KIF26B: variants seen among roughly 807,000 people sequenced by gnomAD.
KIF26B encodes kinesin family member 26B, also known as kinesin-like protein KIF26B.
Under a neutral mutation model 151.2 loss-of-function variants are expected in KIF26B, and 63 were observed. The ratio of observed to expected loss-of-function variants is 0.42; its 90% confidence interval spans 0.34 to 0.51. The LOEUF is 0.51. KIF26B is among the 20% of genes least tolerant of loss of function. The pLI is 0.07. For missense variants in KIF26B, 2,813 were observed against 2,913.6 expected (o/e 0.97, Z 0.79); for synonymous variants, 1,357 against 1,262.1 (o/e 1.08, Z -1.59).
At chr1:245,674,187 C>G (rs913445834) in intron 10 of KIF26B, among the ~76,000 whole-genome samples, 1 of 152,190 alleles carries the variant, frequency 6.6e-6, no homozygotes, top group African/African-American at 2.4e-5. Context: ...TCCCCCCCAC[C>G]AGTAAAGCTG....
At chr1:245,701,471 T>G (rs906297480) in intron 14 of KIF26B, among the ~76,000 whole-genome samples, 2 of 152,170 alleles carry the variant, frequency 1.3e-5, no homozygotes, top group African/African-American at 4.8e-5. Flanking sequence ...TCCTTCCAGC[T>G]CTAGTCCTGG....
At chr1:245,679,100 G>C (rs1370668695) in intron 10 of KIF26B, among the ~76,000 whole-genome samples, 1 of 152,172 alleles carries the variant, frequency 6.6e-6, no homozygotes, top group Non-Finnish European at 1.5e-5. Context: ...CTTATGCAAA[G>C]GAGCAGGTAG....
At chr1:245,523,396 A>G (rs1255714883) in intron 4 of KIF26B, among the ~76,000 whole-genome samples, 4 of 152,240 alleles carry the variant, frequency 2.6e-5, no homozygotes, top group African/African-American at 9.6e-5. Context: ...CTCTAGATTG[A>G]GTTAAACAGA....
intron 4 of KIF26B, among the ~76,000 whole-genome samples, chr1:245,433,480 G>A (rs58133426): frequency 0.1 from 14,118 of 141,498 alleles, 768 homozygotes; most frequent in South Asian, 0.15. Flanking sequence ...AAAAAAAAAA[G>A]AAGAAGAAGA....
chr1:245,679,884 G>A (rs1441498071), intron 10 of KIF26B, among the ~76,000 whole-genome samples: 2 of 152,090 alleles, frequency 1.3e-5, no homozygotes, highest in Non-Finnish European at 2.9e-5. Flanking sequence ...CGTCAGCTCT[G>A]CTCCATCCCC....
chr1:245,634,090 C>T (rs150828024), intron 9 of KIF26B, among the ~76,000 whole-genome samples: 2,753 of 152,268 alleles, frequency 0.018, 37 homozygotes, highest in South Asian at 0.054. Flanking sequence ...CTGGGATTAC[C>T]GGTGCGAGGC....
intron 2 of KIF26B, among the ~76,000 whole-genome samples, chr1:245,173,164 A>G (rs1162124051): frequency 6.6e-5 from 10 of 152,236 alleles, no homozygotes; most frequent in Non-Finnish European, 1.5e-4. Flanking sequence ...CAAATATTAT[A>G]TGATTCTGGT....
chr1:245,278,461 G>A (rs964376664), intron 2 of KIF26B, among the ~76,000 whole-genome samples: 1 of 152,078 alleles, frequency 6.6e-6, no homozygotes, highest in Non-Finnish European at 1.5e-5. Context: ...GGCCTAAATC[G>A]ATAGCCTTGA....
chr1:245,455,156 C>T (rs891051041), intron 4 of KIF26B, among the ~76,000 whole-genome samples: 1 of 152,076 alleles, frequency 6.6e-6, no homozygotes, highest in Admixed American at 6.6e-5. Context: ...ACCCCTTGCT[C>T]GATTTTAATT....
chr1:245,524,023 T>C (rs1661186004), intron 4 of KIF26B, among the ~76,000 whole-genome samples: 2 of 152,206 alleles, frequency 1.3e-5, no homozygotes, highest in Non-Finnish European at 2.9e-5. Context: ...ACACAACTCA[T>C]TAAATATTTG....
intron 5 of KIF26B, among the ~76,000 whole-genome samples, chr1:245,580,504 G>C (rs2043164748): frequency 6.6e-6 from 1 of 152,224 alleles, no homozygotes; most frequent in South Asian, 2.1e-4. Context: ...GGATGGCCTA[G>C]GTCCGAAGGG....
chr1:245,618,110 A>G (rs1382212257), intron 9 of KIF26B, among the ~76,000 whole-genome samples: 2 of 152,298 alleles, frequency 1.3e-5, no homozygotes, highest in South Asian at 2.1e-4. Flanking sequence ...AGGAACCACA[A>G]TGGCACCTTG....
At chr1:245,589,111 G>A (rs1185974414) in intron 5 of KIF26B, among the ~76,000 whole-genome samples, 1 of 152,180 alleles carries the variant, frequency 6.6e-6, no homozygotes, top group African/African-American at 2.4e-5. Context: ...CTACATTTTA[G>A]ATAAGACCGT....
At position 245,213,014 on chromosome 1, in the gene KIF26B, A is replaced by G. The variant is rs1337880491; in HGVS notation, c.465+56331A>G. Among the ~76,000 whole-genome samples the G allele has an allele frequency of 2.6e-5, 4 of 152,210 alleles. No homozygotes were observed. In the East Asian group the frequency reaches 5.8e-4, roughly 22 times the overall value. On this transcript the variant is annotated intron_variant, in intron 2 of 14. Coordinates refer to ENST00000407071, the MANE Select transcript of KIF26B (RefSeq NM_018012.4). ...TCACACATTTCTAGGCCTGTTGACC[A>G]ATATCCTTTAAATCAGTGTGGCTTT...
chr1:245,199,742 C>T (rs1669264649), intron 2 of KIF26B, among the ~76,000 whole-genome samples: 1 of 152,156 alleles, frequency 6.6e-6, no homozygotes, highest in Non-Finnish European at 1.5e-5. Flanking sequence ...CTTCAGCCTC[C>T]CAAAGTGCTG....
At chr1:245,348,172 C>T (rs895480873) in intron 2 of KIF26B, among the ~76,000 whole-genome samples, 2 of 152,194 alleles carry the variant, frequency 1.3e-5, no homozygotes, top group African/African-American at 2.4e-5. Flanking sequence ...CTTCTCAATA[C>T]CTTGTGCTGG....
intron 3 of KIF26B, among the ~76,000 whole-genome samples, chr1:245,382,011 G>A (rs1673422937): frequency 6.6e-6 from 1 of 152,140 alleles, no homozygotes; most frequent in Non-Finnish European, 1.5e-5. Flanking sequence ...TGGTTCTTGT[G>A]AATAATTCTG....
intron 2 of KIF26B, among the ~76,000 whole-genome samples, chr1:245,279,751 T>A (rs1370793976): frequency 6.6e-6 from 1 of 152,158 alleles, no homozygotes; most frequent in Non-Finnish European, 1.5e-5. Context: ...CTCTTTTTTT[T>A]TTTTAGCTTG....
chr1:245,169,328 GGTGTGTGT>G (rs58501579), intron 2 of KIF26B, among the ~76,000 whole-genome samples: 32 of 134,176 alleles, frequency 2.4e-4, no homozygotes, highest in African/African-American at 7.1e-4. Context: ...AACGGGCCAT[GGTGTGTGT>G]GTGTGTGTGT....
Sources: gnomAD v4.1 joint callset for allele counts (sites outside exome capture counted in the v4.1 genomes callset) on GRCh38, gnomAD v4.1.1 for gene constraint, MANE v1.5 for transcripts, NCBI Gene and HGNC (gene_info 2026-07-23, HGNC 2026-07-21) for gene names.